Variants in RAD51B observed in about 807,000 individuals in gnomAD.
The protein encoded by RAD51B is RAD51 paralog B.
Under a neutral mutation model 42.2 loss-of-function variants are expected in RAD51B, and 38 were observed. The ratio of observed to expected loss-of-function variants is 0.90; its 90% CI spans 0.70 to 1.18. The LOEUF is 1.18. Ranked by LOEUF, RAD51B falls within the 50% of genes most tolerant of loss-of-function variation. The pLI is 0.00. For missense variants in RAD51B, 373 were observed against 400.7 expected (o/e 0.93, Z 0.59); for synonymous variants, 154 against 145.2 (o/e 1.06, Z -0.43).
At chr14:67,911,366 G>T (rs2043973545) in intron 7 of RAD51B, among the ~76,000 whole-genome samples, 1 of 152,152 alleles carries the variant, frequency 6.6e-6, no homozygotes, top group Admixed American at 6.5e-5. Flanking sequence ...AGGATCCCCA[G>T]ATAAGTCATA....
chr14:67,937,183 A>T (rs2044985827), intron 7 of RAD51B, among the ~76,000 whole-genome samples: 1 of 152,216 alleles, frequency 6.6e-6, no homozygotes. Flanking sequence ...TTCAAAGCTG[A>T]GCCCTAAATC....
chr14:68,211,908 A>G (rs998910788), intron 7 of RAD51B, among the ~76,000 whole-genome samples: 1 of 152,226 alleles, frequency 6.6e-6, no homozygotes, highest in Admixed American at 6.5e-5. Context: ...TCTATAGCAA[A>G]TGCCTCCTAT....
At chr14:68,508,220 T>C (rs1885479180) in intron 10 of RAD51B, among the ~76,000 whole-genome samples, 1 of 152,102 alleles carries the variant, frequency 6.6e-6, no homozygotes, top group Admixed American at 6.5e-5. Context: ...CCCTGCTTGG[T>C]TGGAGTCCTC....
chr14:68,612,406 C>CTGCTATCCTTCCTCT (rs1391818828), downstream of RAD51B, among the ~76,000 whole-genome samples: 1 of 152,236 alleles, frequency 6.6e-6, no homozygotes, highest in Non-Finnish European at 1.5e-5. Flanking sequence ...ACTCCAGAAT[C>CTGCTATCCTTCCTCT]TGCTATCCTT....
intron 10 of RAD51B, among the ~76,000 whole-genome samples, chr14:68,557,293 G>A (rs371931802): frequency 3.3e-5 from 5 of 152,060 alleles, no homozygotes; most frequent in Non-Finnish European, 5.9e-5. Flanking sequence ...GCTTAGCCTC[G>A]CCTACCGTAC....
At chr14:68,119,916 C>T (rs974737431) in intron 7 of RAD51B, among the ~76,000 whole-genome samples, 1 of 147,572 alleles carries the variant, frequency 6.8e-6, no homozygotes, top group Non-Finnish European at 1.5e-5. Flanking sequence ...AATGGTTGAA[C>T]TAGTTTACAG....
rs147393317 is a variant in RAD51B, at chr14:68,390,271, C to T, written c.854-21153C>T. ...TTGAGTAGTGGAAAAATCTACGCCT[C>T]GAAGTTCTGGTCATTTATTTTAAAA... On this transcript the variant is annotated intron_variant, in intron 8 of 10. Coordinates refer to ENST00000471583, the MANE Select transcript of RAD51B (RefSeq NM_133510.4). 5.9e-5 allele frequency among the ~76,000 whole-genome samples: 9 copies of T among 152,258 alleles called. No individual in the cohort carries two copies. In the East Asian group the frequency reaches 1.7e-3, roughly 29 times the overall value.
chr14:68,639,082 G>T (rs1892402046), intron 10 of RAD51B, among the ~76,000 whole-genome samples: 1 of 151,800 alleles, frequency 6.6e-6, no homozygotes, highest in Non-Finnish European at 1.5e-5. Flanking sequence ...GCAATGAGGT[G>T]TAGGGTGGAG....
chr14:68,379,531 A>G (rs941210191), intron 8 of RAD51B, among the ~76,000 whole-genome samples: 4 of 152,174 alleles, frequency 2.6e-5, no homozygotes, highest in Admixed American at 2.0e-4. Context: ...GTCTGCCTGC[A>G]GTTAACCAAA....
At position 68,155,195 on chromosome 14, in the gene RAD51B, C is replaced by CT. The variant is rs576162765; in HGVS notation, c.757-136675dup. Among the ~76,000 whole-genome samples, 1,208 of 141,694 alleles carry CT rather than the reference C, an allele frequency of 8.5e-3. 9 individuals are homozygous for CT. The highest frequency in any genetic ancestry group is 0.054 in the South Asian group (242 of 4,452). The allele number at this position is 141,694 out of a possible 152,430, so 93.0% of individuals were successfully genotyped here. On this transcript the variant is annotated intron_variant, in intron 7 of 10. Transcript: ENST00000471583. ...GGTATCATAGTATAGTATTATATTTCTTTTTTTTTTTTTTGAGGTGGAGTC... is the reference window on the plus strand; with the variant it reads ...GGTATCATAGTATAGTATTATATTTCTTTTTTTTTTTTTTTGAGGTGGAGTC...
At chr14:68,270,753 C>G (rs1474227440) in intron 7 of RAD51B, among the ~76,000 whole-genome samples, 2 of 152,084 alleles carry the variant, frequency 1.3e-5, no homozygotes. Flanking sequence ...TTTTCTTTGC[C>G]TAGATACAGC....
intron 8 of RAD51B, among the ~76,000 whole-genome samples, chr14:68,410,917 A>T (rs2084399419): frequency 6.7e-6 from 1 of 148,918 alleles, no homozygotes; most frequent in Non-Finnish European, 1.5e-5. Flanking sequence ...GATCTTCTAG[A>T]TTCCTTTTTT....
chr14:67,971,676 C>T (rs1042942154), intron 7 of RAD51B, among the ~76,000 whole-genome samples: 2 of 151,992 alleles, frequency 1.3e-5, no homozygotes, highest in African/African-American at 2.4e-5. Flanking sequence ...TCCCCTTAGA[C>T]GTTTTTTATT....
intron 10 of RAD51B, among the ~76,000 whole-genome samples, chr14:68,623,814 T>C (rs1343221337): frequency 1.3e-5 from 2 of 152,282 alleles, no homozygotes; most frequent in East Asian, 3.8e-4. Flanking sequence ...GTTTTATTTT[T>C]CTATGTCTTG....
At chr14:68,539,111 A>G (rs1172427044) in intron 10 of RAD51B, among the ~76,000 whole-genome samples, 1 of 152,182 alleles carries the variant, frequency 6.6e-6, no homozygotes, top group African/African-American at 2.4e-5. Context: ...TAACTTCTGA[A>G]TCTTGGGAAA....
chr14:68,675,484 G>A (rs913227401), intron 11 of RAD51B, among the ~76,000 whole-genome samples: 15 of 152,164 alleles, frequency 9.9e-5, no homozygotes, highest in African/African-American at 3.6e-4. Flanking sequence ...GTAACACAAA[G>A]TGCTAAGAGA....
intron 7 of RAD51B, among the ~76,000 whole-genome samples, chr14:67,997,564 A>C (rs565895430): frequency 6.6e-6 from 1 of 152,296 alleles, no homozygotes; most frequent in Non-Finnish European, 1.5e-5. Flanking sequence ...TCTGTGATCA[A>C]AATGTTCTTT....
At chr14:68,344,967 A>C (rs912790882) in intron 8 of RAD51B, among the ~76,000 whole-genome samples, 4 of 147,236 alleles carry the variant, frequency 2.7e-5, no homozygotes, top group Admixed American at 2.0e-4. Context: ...AAAAAAAAAA[A>C]CAACATTTAA....
At chr14:68,682,277 ACTAG>A (rs1893448028) in intron 11 of RAD51B, among the ~76,000 whole-genome samples, 1 of 152,126 alleles carries the variant, frequency 6.6e-6, no homozygotes, top group South Asian at 2.1e-4. Context: ...GGTAAACCTA[ACTAG>A]CTAGTCAACT....
Sources: allele counts gnomAD v4.1 joint callset (sites outside exome capture counted in the v4.1 genomes callset), GRCh38; gene constraint gnomAD v4.1.1; transcripts MANE v1.5; gene names NCBI Gene and HGNC (gene_info 2026-07-23, HGNC 2026-07-21).